DLC1: variants seen among roughly 807,000 people sequenced by gnomAD.
The protein encoded by DLC1 is DLC1 Rho GTPase activating protein.
A neutral mutation model predicts 140.3 loss-of-function variants in DLC1; 54 were observed. That is an observed-to-expected ratio of 0.38 (90% confidence interval 0.31 to 0.48). The LOEUF (loss-of-function observed/expected upper bound fraction) is 0.48, where lower values mean the gene tolerates loss of function less well. Ranked by LOEUF, DLC1 falls within the 20% of genes least tolerant of loss-of-function variation. The probability of loss-of-function intolerance (pLI) is 0.96; values close to 1 mark genes in which losing one functional copy is unlikely to be tolerated. For missense variants in DLC1, 2,536 were observed against 1,907.0 expected (o/e 1.33, Z -6.14); for synonymous variants, 986 against 728.1 (o/e 1.35, Z -5.70).
chr8:13,536,606 G>T (rs1268204532), intron 1 of DLC1, among the ~76,000 whole-genome samples: 2 of 152,166 alleles, frequency 1.3e-5, no homozygotes, highest in Admixed American at 6.5e-5. Flanking sequence ...CCCTGGCAGG[G>T]TGTTCATGAG....
At chr8:13,110,131 C>CTACAGGTTTTAT (rs577307978) in intron 7 of DLC1, among the ~76,000 whole-genome samples, 2,046 of 152,214 alleles carry the variant, frequency 0.013, 37 homozygotes, top group African/African-American at 0.047. Context: ...TCATCGACTG[C>CTACAGGTTTTAT]TACAGGTTTT....
chr8:13,486,518 C>G (rs1800974294), intron 2 of DLC1, among the ~76,000 whole-genome samples: 1 of 152,122 alleles, frequency 6.6e-6, no homozygotes, highest in African/African-American at 2.4e-5. Context: ...TCAGCATTTT[C>G]TCTGTGGGGC....
Position 13,320,661 on chromosome 8 carries a change from C to T in DLC1, c.1315-15359G>A, listed in dbSNP as rs190470156. On this transcript the variant is annotated intron_variant, in intron 4 of 17. Transcript: ENST00000276297. Reference sequence around the variant, plus strand: ...GATCTCTCATGAATAGATTAAGGCTCTCCTTGGGGGTGGGTGGGGTGAGGT... The same window carrying T: ...GATCTCTCATGAATAGATTAAGGCTTTCCTTGGGGGTGGGTGGGGTGAGGT... 6.6e-5 allele frequency among the ~76,000 whole-genome samples: 10 copies of T among 152,032 alleles called. No individual in the cohort carries two copies. The East Asian group carries it at 1.6e-3, about 24-fold the overall frequency.
chr8:13,395,892 C>G (rs1351770604), intron 3 of DLC1, among the ~76,000 whole-genome samples: 3 of 151,610 alleles, frequency 2.0e-5, no homozygotes, highest in Non-Finnish European at 4.4e-5. Context: ...ACATTTTACC[C>G]TAAGAATATG....
chr8:13,589,930 C>T (rs1227901973), intron 1 of DLC1, among the ~76,000 whole-genome samples: 1 of 151,750 alleles, frequency 6.6e-6, no homozygotes, highest in Non-Finnish European at 1.5e-5. Context: ...ATGTTCACAG[C>T]TGCTATCTGT....
chr8:13,424,824 C>T (rs1464071911), intron 2 of DLC1, among the ~76,000 whole-genome samples: 3 of 151,982 alleles, frequency 2.0e-5, no homozygotes, highest in Non-Finnish European at 2.9e-5. Context: ...CTGCCTGCCT[C>T]GGCCTCCCAA....
intron 5 of DLC1, among the ~76,000 whole-genome samples, chr8:13,292,606 C>A (rs76280018): frequency 6.6e-6 from 1 of 151,942 alleles, no homozygotes; most frequent in East Asian, 1.9e-4. Flanking sequence ...TGGGGTGCAG[C>A]CATCAGAGGC....
At chr8:13,529,549 A>G (rs1026913599) in intron 1 of DLC1, among the ~76,000 whole-genome samples, 3 of 152,288 alleles carry the variant, frequency 2.0e-5, no homozygotes, top group African/African-American at 7.2e-5. Context: ...AACATGACTC[A>G]TATTTAGGAA....
At chr8:13,363,033 G>T (rs1835309028) in intron 4 of DLC1, among the ~76,000 whole-genome samples, 1 of 145,290 alleles carries the variant, frequency 6.9e-6, no homozygotes, top group Admixed American at 6.9e-5. Flanking sequence ...CCCTTCTACT[G>T]TGTGCTAGAT....
chr8:13,330,984 A>G (rs1184450275), intron 4 of DLC1, among the ~76,000 whole-genome samples: 2 of 152,158 alleles, frequency 1.3e-5, no homozygotes, highest in Non-Finnish European at 2.9e-5. Flanking sequence ...AAAATAAAGC[A>G]AAGAATAAAT....
At chr8:13,447,265 C>A (rs1009549749) in intron 2 of DLC1, among the ~76,000 whole-genome samples, 2 of 152,118 alleles carry the variant, frequency 1.3e-5, no homozygotes, top group African/African-American at 4.8e-5. Flanking sequence ...AAAATATATG[C>A]TGATTTTTAC....
chr8:13,157,900 C>A (rs1023320703), intron 5 of DLC1, among the ~76,000 whole-genome samples: 1 of 152,130 alleles, frequency 6.6e-6, no homozygotes, highest in Non-Finnish European at 1.5e-5. Context: ...AAATAAAGCA[C>A]ATTTTAAAAG....
At chr8:13,518,048 G>C (rs1361981939), upstream of DLC1, among the ~76,000 whole-genome samples, 1 of 152,240 alleles carries the variant, frequency 6.6e-6, no homozygotes, top group Admixed American at 6.5e-5. Flanking sequence ...GTACTCTGTG[G>C]AAAGAAGAAT....
rs574420244 is a variant in DLC1, at chr8:13,526,388, A to G, written c.-125-26192T>C. Among the ~76,000 whole-genome samples, 708 of 152,290 alleles carry G rather than the reference A, an allele frequency of 4.6e-3. 3 individuals are homozygous for G. Among genetic ancestry groups the G allele is most frequent in the Non-Finnish European group, 6.9e-3 (471 of 68,020 alleles). On this transcript the variant is annotated intron_variant, in intron 1 of 1. Transcript: ENST00000631382. ...TTTGATCAATTTATTATTTGGATCAATTGCAGGAAAACTGACATCTTGATA... is the reference window on the plus strand; with the variant it reads ...TTTGATCAATTTATTATTTGGATCAGTTGCAGGAAAACTGACATCTTGATA...
intron 5 of DLC1, among the ~76,000 whole-genome samples, chr8:13,229,706 G>T (rs1563182749): frequency 6.6e-6 from 1 of 152,074 alleles, no homozygotes; most frequent in Non-Finnish European, 1.5e-5. Context: ...ATTCTAAATT[G>T]TATGTGACAT....
chr8:13,312,658 A>G (rs1832725856), intron 4 of DLC1, among the ~76,000 whole-genome samples: 1 of 152,142 alleles, frequency 6.6e-6, no homozygotes, highest in South Asian at 2.1e-4. Context: ...TATTAAAATT[A>G]ATGAATATAT....
intron 1 of DLC1, among the ~76,000 whole-genome samples, chr8:13,594,229 A>G (rs1805614479): frequency 6.6e-6 from 1 of 152,110 alleles, no homozygotes. Context: ...AACAAATATA[A>G]GACTGTCTGA....
intron 1 of DLC1, among the ~76,000 whole-genome samples, chr8:13,576,402 A>C (rs1331054417): frequency 6.6e-6 from 1 of 152,210 alleles, no homozygotes; most frequent in African/African-American, 2.4e-5. Context: ...ACACAATTCC[A>C]GAAGGAACAA....
At chr8:13,367,936 C>G (rs921641582) in intron 4 of DLC1, among the ~76,000 whole-genome samples, 2 of 152,170 alleles carry the variant, frequency 1.3e-5, no homozygotes, top group South Asian at 2.1e-4. Flanking sequence ...TAAACATAGA[C>G]TCTCTTCAAA....
Sources: gnomAD v4.1 joint callset for allele counts (sites outside exome capture counted in the v4.1 genomes callset) on GRCh38, gnomAD v4.1.1 for gene constraint, MANE v1.5 for transcripts, NCBI Gene and HGNC (gene_info 2026-07-23, HGNC 2026-07-21) for gene names.